The following MTFMT variants were observed in gnomAD, a reference collection of about 807,000 sequenced individuals.
MTFMT encodes the protein methionyl-tRNA formyltransferase, mitochondrial.
Under a neutral mutation model 51.8 loss-of-function variants are expected in MTFMT, and 47 were observed. That is an observed-to-expected ratio of 0.91 (90% CI 0.72 to 1.16). MTFMT has a LOEUF of 1.16. Ranked by LOEUF, MTFMT falls within the 50% of genes most tolerant of loss-of-function variation. The pLI is 0.00. For synonymous variants in MTFMT, 196 were observed against 176.7 expected (o/e 1.11, Z -0.87); for missense variants, 512 against 482.3 (o/e 1.06, Z -0.58).
intron 4 of MTFMT, among the ~76,000 whole-genome samples, chr15:65,020,938 TC>T (rs1472243709): frequency 6.6e-6 from 1 of 152,202 alleles, no homozygotes; most frequent in Non-Finnish European, 1.5e-5. Context: ...GGAAATACCA[TC>T]TCTACAGGTG....
chr15:65,026,921 C>T lies in MTFMT; in HGVS notation c.329G>A (p.Trp110Ter), dbSNP rs1566945005. 3 of 1,613,986 alleles carry T rather than the reference C, an allele frequency of 1.9e-6. No individual in the cohort carries two copies. Among genetic ancestry groups the T allele is most frequent in the Admixed American group, 1.7e-5 (1 of 60,004 alleles). The change falls in exon 2 of 9, where the codon TGG becomes TAG. Residue 110 changes from tryptophan to a stop codon, truncating the protein, a stop_gained. Transcript: ENST00000220058. LOFTEE classifies it high-confidence loss of function. ...AVQSQLPVYEWPDVGSGEYDV... is the reference protein window; with the variant it reads ...AVQSQLPVYE Reference sequence around the variant, plus strand: ...ATATTCTCCAGATCCCACATCCGGCCACTCATATACGGGAAGCTGAGACTG... The same window carrying T: ...ATATTCTCCAGATCCCACATCCGGCTACTCATATACGGGAAGCTGAGACTG...
chr15:65,006,589 G>A (rs1440774259), intron 6 of MTFMT, among the ~76,000 whole-genome samples: 2 of 152,122 alleles, frequency 1.3e-5, no homozygotes, highest in East Asian at 3.9e-4. Flanking sequence ...TGTTAGCCAC[G>A]ATGGTCTCTA....
chr15:65,014,532 G>A lies in MTFMT; in HGVS notation c.813+1904C>T, dbSNP rs1595890006. On this transcript the variant is annotated intron_variant, in intron 6 of 8. Coordinates refer to ENST00000220058, the MANE Select transcript of MTFMT (RefSeq NM_139242.4). ...GTAGAGACGGGGTTTCTCCATGTTG[G>A]TCAGGCTGGTCTCGAACTCCTGACC... is the stretch of plus-strand genomic sequence containing the variant. Among the ~76,000 whole-genome samples, 3 of 151,684 alleles carry A rather than the reference G, an allele frequency of 2.0e-5. No individual in the cohort carries two copies. The South Asian group carries it at 6.3e-4, about 32-fold the overall frequency.
intron 3 of MTFMT, among the ~76,000 whole-genome samples, chr15:65,022,559 CTTTA>C (rs760403551): frequency 9.2e-5 from 14 of 151,394 alleles, no homozygotes; most frequent in Non-Finnish European, 1.8e-4. Context: ...GAGCAATATG[CTTTA>C]TTTAATTTTT....
At chr15:65,028,561 C>T (rs1049002556) in intron 1 of MTFMT, among the ~76,000 whole-genome samples, 2 of 151,896 alleles carry the variant, frequency 1.3e-5, no homozygotes, top group African/African-American at 4.8e-5. Context: ...GAAGGAAAAC[C>T]ACACAGGGGA....
chr15:65,006,984 T>A (rs959611488), intron 6 of MTFMT, among the ~76,000 whole-genome samples: 1 of 152,142 alleles, frequency 6.6e-6, no homozygotes, highest in Admixed American at 6.5e-5. Flanking sequence ...ATGTCCATGG[T>A]GAAAAGTTCT....
chr15:65,027,019 T>A lies in MTFMT; in HGVS notation c.231A>T (p.Leu77Phe), dbSNP rs780539907. The A allele has an allele frequency of 2.1e-5, 34 of 1,613,672 alleles. No individual in the cohort carries two copies. The highest frequency in any genetic ancestry group is 2.7e-5 in the Non-Finnish European group (32 of 1,179,780). The change falls in exon 2 of 9, where the codon TTA becomes TTT. Residue 77 changes from leucine (L) to phenylalanine (F), a missense_variant. By Grantham distance (22) the Leu-to-Phe change is conservative (BLOSUM62 0). Transcript: ENST00000220058. ...TTGTGACCACCTCCAGTTTGTCGAT[T>A]AACTCTTCTTCTTTGTTTTCCCTAA... ...HAARENKEEE[L>F]IDKLEVVTMP...
At chr15:65,027,190 T>A (rs1004000054) in intron 1 of MTFMT, 150 bp from the exon 2 acceptor site, 1 of 651,932 alleles carries the variant, frequency 1.5e-6, no homozygotes, top group Non-Finnish European at 2.6e-6. Flanking sequence ...TGAGTTTTCA[T>A]TTTTTCTTTT....
rs1252142789 is a variant in MTFMT at position 65,029,551 on chromosome 15, C to A, written c.63G>T (p.Arg21Ser). ...PPLAHGARRGRPSPQWRALAR... is the reference protein window; with the variant it reads ...PPLAHGARRGSPSPQWRALAR... The stretch of plus-strand genomic sequence containing the variant: ...CCAGTGCTCGCCACTGGGGACTCGG[C>A]CTCCCACGCCTGGCGCCATGAGCCA... The change falls in exon 1 of 9, where the codon AGG (arginine) becomes AGT (serine). Residue 21 changes from arginine (R) to serine (S), a missense_variant. Transcript: ENST00000220058. 1 of 1,507,234 alleles carries A rather than the reference C, an allele frequency of 6.6e-7. No homozygotes were observed. Among genetic ancestry groups the A allele is most frequent in the African/African-American group, 1.4e-5 (1 of 69,362 alleles). 93.4% of individuals were successfully genotyped at this position (1,507,234 alleles called of 1,614,324 possible).
At position 65,020,053 on chromosome 15, in the gene MTFMT, T is replaced by C. The variant is rs538256349; in HGVS notation, c.721+144A>G. On this transcript the variant is annotated intron_variant, in intron 5 of 8. Coordinates refer to ENST00000220058, the MANE Select transcript of MTFMT (RefSeq NM_139242.4). Reference sequence around the variant, plus strand: ...ATGCTAAGAGGGAGAAAGAATGCTTTCTACCATTCTTTGGAAAAGCACACA... The same window carrying C: ...ATGCTAAGAGGGAGAAAGAATGCTTCCTACCATTCTTTGGAAAAGCACACA... The C allele has an allele frequency of 1.9e-4, 128 of 685,374 alleles. 1 individual carries two copies. In the Admixed American group the frequency reaches 3.0e-3, roughly 16 times the overall value. The allele number at this position is 685,374 out of a possible 1,614,324, so 42.5% of individuals were successfully genotyped here.
At chr15:65,014,616 A>G (rs2086301285) in intron 6 of MTFMT, among the ~76,000 whole-genome samples, 1 of 146,948 alleles carries the variant, frequency 6.8e-6, no homozygotes. Flanking sequence ...GTGAGCCACC[A>G]TGCCCGGTCT....
At chr15:65,007,000 T>C (rs969951824) in intron 6 of MTFMT, among the ~76,000 whole-genome samples, 1 of 152,184 alleles carries the variant, frequency 6.6e-6, no homozygotes, top group African/African-American at 2.4e-5. Context: ...GTTCTGTCCC[T>C]TAACACATGC....
At position 65,001,681 on chromosome 15, in the gene MTFMT, G is replaced by C. The variant is rs956750731; in HGVS notation, c.*1381C>G. On this transcript the variant is annotated 3_prime_UTR_variant, in exon 9 of 9. Transcript: ENST00000220058. ...GTTCAAGACCAGCCTAAGCAACATA[G>C]TGAGACCCCTATCTCTACAAAATTT... The C allele has an allele frequency of 2.0e-5, 3 of 152,084 alleles. No homozygotes were observed. The highest frequency in any genetic ancestry group is 4.4e-5 in the Non-Finnish European group (3 of 68,020). The allele number at this position is 152,084 out of a possible 1,614,324, so 9.4% of individuals were successfully genotyped here.
chr15:65,019,946 G>A lies in MTFMT; in HGVS notation c.721+251C>T, dbSNP rs2086357103. Among the ~76,000 whole-genome samples the A allele has an allele frequency of 2.6e-5, 4 of 152,134 alleles. 1 individual carries two copies. In the South Asian group the frequency reaches 8.3e-4, roughly 32 times the overall value. ...TAATTGTTGACTCTGGGGTAAACTG[G>A]TGTTTATTATACCAGTCTTTCTATT... is the stretch of plus-strand genomic sequence containing the variant. On this transcript the variant is annotated intron_variant, in intron 5 of 8. Transcript: ENST00000220058.
At chr15:65,028,560 C>T (rs937275103) in intron 1 of MTFMT, among the ~76,000 whole-genome samples, 2 of 151,884 alleles carry the variant, frequency 1.3e-5, no homozygotes, top group Non-Finnish European at 2.9e-5. Context: ...GGAAGGAAAA[C>T]CACACAGGGG....
rs1350226528 is a variant in MTFMT at position 65,001,579 on chromosome 15, G to C, written c.*1483C>G. ...GCACGTTCCTACTTCAAGAAAACCT[G>C]GGCCGGGTGCAGTGGTTCATGCTTG... On this transcript the variant is annotated 3_prime_UTR_variant, in exon 9 of 9. Transcript: ENST00000220058. The C allele has an allele frequency of 2.6e-5, 4 of 152,236 alleles. No individual in the cohort carries two copies. Among genetic ancestry groups the C allele is most frequent in the African/African-American group, 4.8e-5 (2 of 41,428 alleles). 9.4% of individuals were successfully genotyped at this position (152,236 alleles called of 1,614,324 possible).
chr15:65,017,252 T>C (rs2086331543), intron 5 of MTFMT, among the ~76,000 whole-genome samples: 1 of 152,028 alleles, frequency 6.6e-6, no homozygotes, highest in Non-Finnish European at 1.5e-5. Context: ...GATAGGAACA[T>C]GGGCAAAAGA....
intron 6 of MTFMT, among the ~76,000 whole-genome samples, chr15:65,008,717 A>G (rs2086238901): frequency 6.6e-6 from 1 of 152,236 alleles, no homozygotes; most frequent in African/African-American, 2.4e-5. Context: ...AACTGTATCT[A>G]TGTCATAGCC....
At position 65,018,319 on chromosome 15, in the gene MTFMT, A is replaced by G. The variant is rs147776673; in HGVS notation, c.722-1792T>C. Reference sequence around the variant, plus strand: ...GGATCAAAAAGGAAAACTGTAAAGAAATCTTAAATCTTACTTAGTATTTTT... The same window carrying G: ...GGATCAAAAAGGAAAACTGTAAAGAGATCTTAAATCTTACTTAGTATTTTT... On this transcript the variant is annotated intron_variant, in intron 5 of 8. Coordinates refer to ENST00000220058, the MANE Select transcript of MTFMT (RefSeq NM_139242.4). Among the ~76,000 whole-genome samples the G allele has an allele frequency of 7.4e-3, 1,123 of 152,228 alleles. 11 individuals carry two copies. The highest frequency in any genetic ancestry group is 0.012 in the Admixed American group (190 of 15,298).
Sources: gnomAD v4.1 joint callset for allele counts (sites outside exome capture counted in the v4.1 genomes callset) on GRCh38, gnomAD v4.1.1 for gene constraint, MANE v1.5 for transcripts, NCBI Gene and HGNC (gene_info 2026-07-23, HGNC 2026-07-21) for gene names.